Variants in SYT6 observed in about 807,000 individuals in gnomAD.
The protein encoded by SYT6 is synaptotagmin 6.
A neutral mutation model predicts 38.4 loss-of-function variants in SYT6; 24 were observed. That is an observed-to-expected ratio of 0.62 (90% confidence interval 0.45 to 0.88). The LOEUF is 0.88. Ranked by LOEUF, SYT6 falls within the 40% of genes least tolerant of loss-of-function variation. SYT6 has a pLI of 0.00. For synonymous variants in SYT6, 265 were observed against 241.9 expected (o/e 1.10, Z -0.89); for missense variants, 611 against 621.0 (o/e 0.98, Z 0.17).
chr1:114,104,967 C>T (rs558109306), intron 3 of SYT6, among the ~76,000 whole-genome samples: 4 of 152,234 alleles, frequency 2.6e-5, no homozygotes, highest in African/African-American at 7.2e-5. Flanking sequence ...CAACAGTTAG[C>T]TTTTCAAACC....
intron 3 of SYT6, among the ~76,000 whole-genome samples, chr1:114,124,872 C>T (rs1035221386): frequency 6.6e-6 from 1 of 152,212 alleles, no homozygotes; most frequent in South Asian, 2.1e-4. Flanking sequence ...TGACCTTGAG[C>T]AGATTGCCTG....
In SYT6 at chr1:114,129,633, C is replaced by CTTTCTTTCTCTTTCTTTCTT. The variant is rs1678011928; in HGVS notation, c.1071+7842_1071+7861dup. On this transcript the variant is annotated intron_variant, in intron 3 of 7. Coordinates refer to ENST00000610222, the MANE Select transcript of SYT6 (RefSeq NM_001253772.2). ...CTTTCTTTCCTTTCTTTCTTTCTTT[C>CTTTCTTTCTCTTTCTTTCTT]TTTCTTTCTCTTTCTTTCTTTTTCT... Among the ~76,000 whole-genome samples the CTTTCTTTCTCTTTCTTTCTT allele has an allele frequency of 5.9e-3, 489 of 82,460 alleles. 6 individuals are homozygous for CTTTCTTTCTCTTTCTTTCTT. Among genetic ancestry groups the CTTTCTTTCTCTTTCTTTCTT allele is most frequent in the African/African-American group, 0.021 (454 of 21,914 alleles). 54.1% of individuals were successfully genotyped at this position (82,460 alleles called of 152,430 possible).
At position 114,121,078 on chromosome 1, in the gene SYT6, G is replaced by A. The variant is rs535662819; in HGVS notation, c.1071+16417C>T. ...TCTCCATAGCCACCAAGGCCCCCAG[G>A]GGGAGGTTGGCAGTCCCTGTGAGGT... On this transcript the variant is annotated intron_variant, in intron 3 of 7. Transcript: ENST00000610222. Among the ~76,000 whole-genome samples the A allele has an allele frequency of 2.2e-4, 34 of 152,338 alleles. No individual in the cohort carries two copies. In the East Asian group the frequency reaches 6.2e-3, roughly 28 times the overall value.
At chr1:114,152,036 G>A (rs1321364083) in intron 1 of SYT6, among the ~76,000 whole-genome samples, 2 of 152,054 alleles carry the variant, frequency 1.3e-5, no homozygotes, top group Non-Finnish European at 2.9e-5. Flanking sequence ...GCTCAGGTGG[G>A]CTCCGCTCAC....
intron 1 of SYT6, among the ~76,000 whole-genome samples, chr1:114,141,539 T>C (rs913678025): frequency 3.9e-5 from 6 of 152,248 alleles, no homozygotes; most frequent in Admixed American, 3.3e-4. Context: ...AATGCAAAAG[T>C]TCAAAGATGA....
chr1:114,107,842 C>A (rs1023930210), intron 3 of SYT6, among the ~76,000 whole-genome samples: 2 of 152,188 alleles, frequency 1.3e-5, no homozygotes, highest in African/African-American at 4.8e-5. Context: ...GTGTTTGAGA[C>A]TTTGGACTTC....
chr1:114,110,794 C>T (rs1241866418), intron 3 of SYT6, among the ~76,000 whole-genome samples: 1 of 152,198 alleles, frequency 6.6e-6, no homozygotes, highest in Non-Finnish European at 1.5e-5. Context: ...ATCCTCGCTG[C>T]ACTACCTCAG....
At chr1:114,141,371 C>A (rs1678855936) in intron 1 of SYT6, among the ~76,000 whole-genome samples, 1 of 152,200 alleles carries the variant, frequency 6.6e-6, no homozygotes, top group Non-Finnish European at 1.5e-5. Flanking sequence ...GAAGATCAAA[C>A]CAGCCCCAAC....
intron 1 of SYT6, among the ~76,000 whole-genome samples, 200 bp downstream of exon 1, chr1:114,153,410 C>T (rs1340839927): frequency 2.0e-5 from 3 of 152,220 alleles, no homozygotes; most frequent in East Asian, 3.9e-4. Flanking sequence ...GGGGCTTCTA[C>T]CCCAACCTCC....
chr1:114,109,969 C>G (rs993565388), intron 3 of SYT6, among the ~76,000 whole-genome samples: 2 of 152,142 alleles, frequency 1.3e-5, no homozygotes, highest in Admixed American at 6.5e-5. Flanking sequence ...GTGTTCGGGG[C>G]GCATGAGAGG....
At chr1:114,107,011 T>C (rs1308332116) in intron 3 of SYT6, among the ~76,000 whole-genome samples, 1 of 152,156 alleles carries the variant, frequency 6.6e-6, no homozygotes, top group South Asian at 2.1e-4. Context: ...CTTCACGCAG[T>C]GTTATGATCA....
At chr1:114,145,502 G>GTTTTTTTTTTTTTTTT (rs752982644) in intron 1 of SYT6, among the ~76,000 whole-genome samples, 2 of 111,624 alleles carry the variant, frequency 1.8e-5, no homozygotes, top group African/African-American at 7.4e-5. Context: ...GAGGTATTAA[G>GTTTTTTTTTTTTTTTT]TTTTTTTTTT....
At chr1:114,147,241 C>A (rs1679199600) in intron 1 of SYT6, among the ~76,000 whole-genome samples, 1 of 152,180 alleles carries the variant, frequency 6.6e-6, no homozygotes, top group South Asian at 2.1e-4. Context: ...TGCTTGCTGC[C>A]TCCTCAGTTG....
intron 2 of SYT6, 66 bp from the exon 3 acceptor site, chr1:114,138,119 A>G: frequency 6.8e-7 from 1 of 1,480,752 alleles, no homozygotes; most frequent in African/African-American, 1.4e-5. Flanking sequence ...GATGAAGGCA[A>G]ACACGAGCCT....
chr1:114,097,949 G>C, intron 5 of SYT6, 72 bp from the exon 6 acceptor site: 2 of 1,562,948 alleles, frequency 1.3e-6, no homozygotes, highest in East Asian at 2.3e-5. Context: ...AGTGTGGGGG[G>C]TGGTAGGACT....
At chr1:114,122,809 C>T (rs116622150) in intron 3 of SYT6, among the ~76,000 whole-genome samples, 2,309 of 152,270 alleles carry the variant, frequency 0.015, 62 homozygotes, top group African/African-American at 0.053. Context: ...GCCTTTCCCC[C>T]TGGCCTCTTT....
chr1:114,097,709 C>T lies in SYT6; in HGVS notation c.1515+18G>A, dbSNP rs1280888580. 6.8e-6 allele frequency: 11 copies of T among 1,612,724 alleles called. No individual in the cohort carries two copies. The highest frequency in any genetic ancestry group is 4.5e-5 in the East Asian group (2 of 44,880). Reference sequence around the variant, plus strand: ...TGCCATGCAGCAAACATGCCAAGGGCCAGGTGACCTCACCCACCTCTTTGA... The same window carrying T: ...TGCCATGCAGCAAACATGCCAAGGGTCAGGTGACCTCACCCACCTCTTTGA... On this transcript the variant is annotated intron_variant, in intron 6 of 7. Transcript: ENST00000610222.
chr1:114,110,553 G>C (rs1676616626), intron 3 of SYT6, among the ~76,000 whole-genome samples: 1 of 152,220 alleles, frequency 6.6e-6, no homozygotes, highest in Non-Finnish European at 1.5e-5. Flanking sequence ...AAGGGTAAGA[G>C]GGAGGTTAAG....
rs927885017 is a variant in SYT6, at chr1:114,153,607, T to C, written c.163+3A>G. On this transcript the variant is annotated splice_donor_region_variant and intron_variant, in intron 1 of 7. Transcript: ENST00000610222. ...AGGGAGGGGGCCCTGGGTCTCCCGT[T>C]ACCTGCGCCTGCCGCGCTGGGACTC... 1.5e-5 allele frequency: 9 copies of C among 597,296 alleles called. No homozygotes were observed. Among genetic ancestry groups the C allele is most frequent in the Middle Eastern group, 2.6e-4 (1 of 3,918 alleles). 37.0% of individuals were successfully genotyped at this position (597,296 alleles called of 1,614,324 possible).
Sources: gnomAD v4.1 joint callset for allele counts (sites outside exome capture counted in the v4.1 genomes callset) on GRCh38, gnomAD v4.1.1 for gene constraint, MANE v1.5 for transcripts, NCBI Gene and HGNC (gene_info 2026-07-23, HGNC 2026-07-21) for gene names.